Variants in PDE1C observed in about 807,000 individuals in gnomAD.
PDE1C encodes dual specificity calcium/calmodulin-dependent 3',5'-cyclic nucleotide phosphodiesterase 1C.
PDE1C carries 62 observed loss-of-function variants against 93.1 expected under a neutral mutation model. The ratio of observed to expected loss-of-function variants is 0.67; its 90% CI spans 0.54 to 0.82. The LOEUF is 0.82. Ranked by LOEUF, PDE1C falls within the 40% of genes least tolerant of loss-of-function variation. The pLI is 0.00. For synonymous variants in PDE1C, 325 were observed against 310.1 expected (o/e 1.05, Z -0.50); for missense variants, 742 against 884.6 (o/e 0.84, Z 2.04).
Position 32,161,103 on chromosome 7 carries a change from G to A in PDE1C, c.308+8682C>T, listed in dbSNP as rs375056293. ...TAAACCATAAAAAATGAATTGGGCT[G>A]CAAAACTACAACCCATTCATTCAAT... is the stretch of plus-strand genomic sequence containing the variant. On this transcript the variant is annotated intron_variant, in intron 3 of 18. Transcript: ENST00000396193. Among the ~76,000 whole-genome samples the A allele has an allele frequency of 5.3e-5, 8 of 152,280 alleles. No homozygotes were observed. The East Asian group carries it at 1.5e-3, about 29-fold the overall frequency.
chr7:31,738,309 C>T, the PDE1C span, among the ~76,000 whole-genome samples: 8 of 152,206 alleles, frequency 5.3e-5, no homozygotes, highest in African/African-American at 1.2e-4. Context: ...CTCACAGTTC[C>T]GCATGGGTGG....
intron 1 of PDE1C, among the ~76,000 whole-genome samples, chr7:32,231,213 T>C (rs1015323056): frequency 6.6e-6 from 1 of 152,070 alleles, no homozygotes; most frequent in Non-Finnish European, 1.5e-5. Flanking sequence ...TCCAAAACCA[T>C]ACAACAGAGA....
intron 1 of PDE1C, among the ~76,000 whole-genome samples, chr7:32,341,178 T>TTTTTTTTTTTTATTTTA (rs1783743277): frequency 9.0e-6 from 1 of 110,570 alleles, no homozygotes; most frequent in African/African-American, 3.2e-5. Flanking sequence ...AAAGTCTTTT[T>TTTTTTTTTTTTATTTTA]TTTTTTTTTT....
intron 2 of PDE1C, among the ~76,000 whole-genome samples, chr7:31,906,644 G>A (rs978469964): frequency 2.0e-5 from 3 of 152,088 alleles, no homozygotes; most frequent in Non-Finnish European, 4.4e-5. Flanking sequence ...TGGGTGAGAG[G>A]GAAAGGCATT....
chr7:31,753,606 C>T, intron 17 of PDE1C, 53 bp from the exon 18 acceptor site: 1 of 1,561,254 alleles, frequency 6.4e-7, no homozygotes, highest in Non-Finnish European at 8.7e-7. Context: ...CCACGACATG[C>T]CACAACCTAA....
At chr7:32,335,933 T>G (rs577739821) in intron 1 of PDE1C, among the ~76,000 whole-genome samples, 1 of 152,258 alleles carries the variant, frequency 6.6e-6, no homozygotes, top group Non-Finnish European at 1.5e-5. Context: ...TCTCACTATG[T>G]TGCCCAGAGT....
chr7:32,159,788 C>T (rs989800819), intron 3 of PDE1C, among the ~76,000 whole-genome samples: 4 of 150,094 alleles, frequency 2.7e-5, no homozygotes, highest in African/African-American at 9.8e-5. Flanking sequence ...GCCCAAAAAC[C>T]GGAAGCTCTA....
intron 3 of PDE1C, among the ~76,000 whole-genome samples, chr7:32,082,474 C>T (rs978427865): frequency 6.6e-6 from 1 of 152,260 alleles, no homozygotes; most frequent in South Asian, 2.1e-4. Flanking sequence ...ACTCTGCAGA[C>T]TTAAATGTCC....
intron 2 of PDE1C, among the ~76,000 whole-genome samples, chr7:31,962,247 C>T (rs750212843): frequency 6.6e-6 from 1 of 152,194 alleles, no homozygotes; most frequent in Admixed American, 6.5e-5. Context: ...ACTGTTAAGA[C>T]CTCTTTACCT....
chr7:32,088,726 TG>T (rs1563302881), intron 3 of PDE1C, among the ~76,000 whole-genome samples: 1 of 152,064 alleles, frequency 6.6e-6, no homozygotes, highest in Admixed American at 6.5e-5. Context: ...CTGTCTTTAG[TG>T]ACAGGCTCAC....
the PDE1C span, among the ~76,000 whole-genome samples, chr7:31,731,202 C>A: frequency 2.0e-5 from 3 of 151,794 alleles, 1 homozygote; most frequent in South Asian, 4.2e-4. Context: ...CTGAGGGAGG[C>A]GGGCAGGGAA....
rs564072151 is a variant in PDE1C, at chr7:32,004,037, T to A, written c.128+47517A>T. 9.9e-5 allele frequency among the ~76,000 whole-genome samples: 15 copies of A among 152,256 alleles called. No homozygotes were observed. The East Asian group carries it at 2.9e-3, about 29-fold the overall frequency. The stretch of plus-strand genomic sequence containing the variant: ...ATGTAACGTGGCTGCTCTGTACGTG[T>A]TCATGTGGAGCTCTGTGGAAGCCAT... On this transcript the variant is annotated intron_variant, in intron 2 of 17. Transcript: ENST00000396191.
At chr7:31,847,823 G>C (rs1314689581) in intron 9 of PDE1C, 145 bp downstream of exon 9, 2 of 796,358 alleles carry the variant, frequency 2.5e-6, no homozygotes, top group South Asian at 1.4e-5. Flanking sequence ...CACAAAGAGA[G>C]GGTGAGAGTG....
intron 1 of PDE1C, among the ~76,000 whole-genome samples, chr7:32,309,137 G>A (rs1158704079): frequency 6.6e-6 from 1 of 152,192 alleles, no homozygotes; most frequent in Non-Finnish European, 1.5e-5. Context: ...TCAACTGGAA[G>A]AAAGGATATC....
At chr7:31,631,242 C>A in the PDE1C span, among the ~76,000 whole-genome samples, 2 of 152,020 alleles carry the variant, frequency 1.3e-5, no homozygotes, top group Non-Finnish European at 2.9e-5. Flanking sequence ...AATTATGCTA[C>A]CAAAATCTGG....
rs142679771 is a variant in PDE1C, at chr7:32,202,542, G to T, written c.136+6947C>A. On this transcript the variant is annotated intron_variant, in intron 2 of 18. Coordinates refer to the PDE1C transcript ENST00000396193. The stretch of plus-strand genomic sequence containing the variant: ...AACTTGAAATCTTTCAAATCCCAAT[G>T]AATACATCTGTTGACTGAACCAAGC... 1.6e-3 allele frequency among the ~76,000 whole-genome samples: 237 copies of T among 152,316 alleles called. 2 individuals carry two copies. Among genetic ancestry groups the T allele is most frequent in the East Asian group, 4.4e-3 (23 of 5,182 alleles).
chr7:31,783,912 C>T (rs1433149412), intron 16 of PDE1C: 1 of 152,182 alleles, frequency 6.6e-6, no homozygotes, highest in African/African-American at 2.4e-5. Flanking sequence ...TCTATCACAA[C>T]CATGAAATCA....
At chr7:31,731,414 A>G in the PDE1C span, among the ~76,000 whole-genome samples, 1 of 151,426 alleles carries the variant, frequency 6.6e-6, no homozygotes, top group East Asian at 1.9e-4. Flanking sequence ...AGAGAGAGAG[A>G]GAGTCTCGCT....
At chr7:31,858,506 G>A (rs909726603) in intron 7 of PDE1C, among the ~76,000 whole-genome samples, 1 of 152,100 alleles carries the variant, frequency 6.6e-6, no homozygotes, top group Non-Finnish European at 1.5e-5. Context: ...TTTGGGGATT[G>A]TTTGATCCTG....
Sources: allele counts gnomAD v4.1 joint callset (sites outside exome capture counted in the v4.1 genomes callset), GRCh38; gene constraint gnomAD v4.1.1; transcripts MANE v1.5; gene names NCBI Gene and HGNC (gene_info 2026-07-23, HGNC 2026-07-21).